The following CAPN12 variants were observed in gnomAD, a reference collection of about 807,000 sequenced individuals.
The protein encoded by CAPN12 is calpain 12.
In CAPN12, 107 loss-of-function variants were observed where a neutral mutation model predicts 95.0. The ratio of observed to expected loss-of-function variants is 1.13; its 90% CI spans 0.96 to 1.32. CAPN12 has a LOEUF of 1.32. Ranked by LOEUF, CAPN12 falls within the 40% of genes most tolerant of loss-of-function variation. The pLI is 0.00. For missense variants in CAPN12, 1,136 were observed against 997.8 expected, an observed-to-expected ratio of 1.14 and a Z score of -1.87; for synonymous variants, 505 against 415.5, an observed-to-expected ratio of 1.22 and a Z score of -2.62.
In CAPN12 at chr19:38,735,359, C is replaced by T. The variant is rs1187374696; in HGVS notation, c.1686+11G>A. 32 of 1,575,108 alleles carry T rather than the reference C, an allele frequency of 2.0e-5. No individual in the cohort carries two copies. The highest frequency in any genetic ancestry group is 2.7e-5 in the Non-Finnish European group (31 of 1,157,774). On this transcript the variant is annotated intron_variant, in intron 14 of 20. Coordinates refer to ENST00000328867, the MANE Select transcript of CAPN12 (RefSeq NM_144691.4). ...AGCGGGATACCCCCTCAGTCCAATC[C>T]CCCTCCTCACCTCTCCAGCCAGCTC...
In CAPN12 at chr19:38,738,563, G is replaced by A. The variant is rs893743474; in HGVS notation, c.804+11C>T. On this transcript the variant is annotated intron_variant, in intron 6 of 20. Coordinates refer to ENST00000328867, the MANE Select transcript of CAPN12 (RefSeq NM_144691.4). Reference sequence around the variant, plus strand: ...ACATGGCCTGCCACCCCACCCATGGGGGACACTTACCTTGTGTGTGCCCGT... The same window carrying A: ...ACATGGCCTGCCACCCCACCCATGGAGGACACTTACCTTGTGTGTGCCCGT... 1 of 1,613,868 alleles carries A rather than the reference G, an allele frequency of 6.2e-7. No homozygotes were observed. The highest frequency in any genetic ancestry group is 1.3e-5 in the African/African-American group (1 of 74,952).
intron 1 of CAPN12, 36 bp downstream of exon 1, chr19:38,743,893 T>TCAGACCCCAGAGCC: frequency 6.2e-7 from 1 of 1,600,586 alleles, no homozygotes; most frequent in Non-Finnish European, 8.6e-7. Flanking sequence ...CCCTCCTCCC[T>TCAGACCCCAGAGCC]CAGACCCCAG....
chr19:38,736,268 CAGCCGGGGCAGGAGCGCAT>C lies in CAPN12; in HGVS notation c.1406_1424del (p.His469ArgfsTer15), dbSNP rs1970138305. The C allele has an allele frequency of 3.4e-6, 5 of 1,457,840 alleles. No homozygotes were observed. Among genetic ancestry groups the C allele is most frequent in the Non-Finnish European group, 4.5e-6 (5 of 1,114,238 alleles). 90.3% of individuals were successfully genotyped at this position (1,457,840 alleles called of 1,614,324 possible). Reference sequence around the variant, plus strand: ...TGAGGGGCGAGCGGTCGGCGCGCAGCAGCCGGGGCAGGAGCGCATGGCTGCGCGGGGAATCCCAGAGGCC... The same window carrying C: ...TGAGGGGCGAGCGGTCGGCGCGCAGCGGCTGCGCGGGGAATCCCAGAGGCC... On this transcript the variant is annotated frameshift_variant, in exon 12 of 21. Transcript: ENST00000328867. LOFTEE classifies it high-confidence loss of function.
rs1969816353 is a variant in CAPN12 at position 38,733,873 on chromosome 19, C to T, written c.1879-92G>A. On this transcript the variant is annotated intron_variant, in intron 17 of 20. Coordinates refer to ENST00000328867, the MANE Select transcript of CAPN12 (RefSeq NM_144691.4). Reference sequence around the variant, plus strand: ...AGGCAAGACAGCCTGGTGCCCATCCCAACTCCCTTTCTTCTGGTGTGGACC... The same window carrying T: ...AGGCAAGACAGCCTGGTGCCCATCCTAACTCCCTTTCTTCTGGTGTGGACC... 1.0e-5 allele frequency: 11 copies of T among 1,100,100 alleles called. No homozygotes were observed. The East Asian group carries it at 2.2e-4, about 22-fold the overall frequency. The allele number at this position is 1,100,100 out of a possible 1,614,324, so 68.1% of individuals were successfully genotyped here.
chr19:38,735,205 G>A (rs1599894924), intron 14 of CAPN12, 165 bp downstream of exon 14: 6 of 695,554 alleles, frequency 8.6e-6, no homozygotes, highest in South Asian at 7.9e-5. Flanking sequence ...AAGGCCCTGA[G>A]GCAGGGAGGA....
rs527981785 is a variant in CAPN12 at position 38,737,658 on chromosome 19, G to A, written c.966-20C>T. On this transcript the variant is annotated intron_variant, in intron 8 of 20. Coordinates refer to ENST00000328867, the MANE Select transcript of CAPN12 (RefSeq NM_144691.4). ...TCCATCCTGCACGGTGGCCCAGTCA[G>A]ACCCTGCCCGGCCCCACCTCGAGGG... The A allele has an allele frequency of 1.3e-6, 2 of 1,546,434 alleles. No individual in the cohort carries two copies. Among genetic ancestry groups the A allele is most frequent in the Non-Finnish European group, 1.7e-6 (2 of 1,144,676 alleles).
chr19:38,731,092 C>CG lies in CAPN12; in HGVS notation c.2074+14dup, dbSNP rs777583571. The CG allele has an allele frequency of 7.5e-5, 120 of 1,603,382 alleles. No homozygotes were observed. The African/African-American group carries it at 1.5e-3, about 20-fold the overall frequency. On this transcript the variant is annotated intron_variant, in intron 19 of 20. Coordinates refer to ENST00000328867, the MANE Select transcript of CAPN12 (RefSeq NM_144691.4). ...CCCTTCCCCCCATGCCCCACCATGCCGGGGTGGTACTCACAGAAGATGCAG... is the reference window on the plus strand; with the variant it reads ...CCCTTCCCCCCATGCCCCACCATGCCGGGGGTGGTACTCACAGAAGATGCAG...
Position 38,733,696 on chromosome 19 carries a change from T to TC in CAPN12, c.1957+6dup, listed in dbSNP as rs569657883. 1.4e-3 allele frequency: 2,290 copies of TC among 1,613,000 alleles called. 36 individuals are homozygous for TC. The South Asian group carries it at 0.02, about 14-fold the overall frequency. ...TCCCCACGACCACCCCAGGACCCTG[T>TC]CCACACCTGCTGCATTCAGTGCCAG... On this transcript the variant is annotated splice_region_variant and intron_variant, in intron 18 of 20. Transcript: ENST00000328867.
At chr19:38,743,898 C>T (rs1568330198) in intron 1 of CAPN12, 31 bp downstream of exon 1, 3 of 1,605,180 alleles carry the variant, frequency 1.9e-6, no homozygotes, top group Non-Finnish European at 2.6e-6. Context: ...CTCCCTCAGA[C>T]CCCAGAGCCC....
chr19:38,732,543 G>A (rs1297673836), intron 18 of CAPN12, among the ~76,000 whole-genome samples: 1 of 152,172 alleles, frequency 6.6e-6, no homozygotes, highest in Non-Finnish European at 1.5e-5. Flanking sequence ...ATGTTGCCCA[G>A]GCTGGTCTTG....
chr19:38,731,432 C>A (rs535464324), intron 18 of CAPN12: 8 of 596,666 alleles, frequency 1.3e-5, no homozygotes, highest in Non-Finnish European at 1.5e-5. Context: ...AGCCCCGACC[C>A]CATAGGGTGT....
At chr19:38,734,723 G>T in intron 15 of CAPN12, 90 bp downstream of exon 15, 1 of 1,191,502 alleles carries the variant, frequency 8.4e-7, no homozygotes, top group Non-Finnish European at 1.2e-6. Flanking sequence ...CCAGCAGCGC[G>T]GTGGGTTCAT....
chr19:38,740,383 T>C (rs1970478766), intron 4 of CAPN12, among the ~76,000 whole-genome samples, 164 bp from the exon 5 acceptor site: 1 of 151,986 alleles, frequency 6.6e-6, no homozygotes, highest in African/African-American at 2.4e-5. Flanking sequence ...CAGGCCGGAG[T>C]GCAGTGGCGT....
chr19:38,734,838 G>T lies in CAPN12; in HGVS notation c.1719C>A (p.Ala573=). 6.2e-7 allele frequency: 1 copy of T among 1,612,712 alleles called. No homozygotes were observed. Among genetic ancestry groups the T allele is most frequent in the Non-Finnish European group, 8.5e-7 (1 of 1,179,850 alleles). Residue 573 remains alanine, a synonymous_variant, in exon 15 of 21, where the codon GCC becomes GCA. Coordinates refer to ENST00000328867, the MANE Select transcript of CAPN12 (RefSeq NM_144691.4). The part of the protein sequence containing the change: ...EEELNASQLQ[A]LLSIALEPAR... ...CAGGCTCCAGGGCAATGCTTAGTAAGGCCTGGAGCTGAGAGGCATTGAGTT... is the reference window on the plus strand; with the variant it reads ...CAGGCTCCAGGGCAATGCTTAGTAATGCCTGGAGCTGAGAGGCATTGAGTT...
rs1483113023 is a variant in CAPN12, at chr19:38,737,172, C to G, written c.1346G>C (p.Gly449Ala). The G allele has an allele frequency of 6.5e-7, 1 of 1,546,580 alleles. No individual in the cohort carries two copies. Among genetic ancestry groups the G allele is most frequent in the Non-Finnish European group, 8.7e-7 (1 of 1,146,666 alleles). ...GGACCTCACCTGGAACACGTGGAAG[C>G]CAACGGTGAGGTAAGTGAGGCCCTT... ...RAKGLTYLTV[G>A]FHVFQIPEEL... The change falls in exon 10 of 21, where the codon GGC becomes GCC. Residue 449 changes from glycine to alanine, a missense_variant. Physicochemically the swap from Gly to Ala is moderately conservative, Grantham distance 60 (BLOSUM62 0). Transcript: ENST00000328867.
Position 38,744,035 on chromosome 19 carries a change from A to ATCCCCGAATCCAGGCAGGC in CAPN12, c.112_130dup (p.Ile44SerfsTer19). ...AGGGAAGTAAGGGTCGCGGAACAGG[A>ATCCCCGAATCCAGGCAGGC]TCCCCGAATCCAGGCAGGCTGCCCG... On this transcript the variant is annotated frameshift_variant, in exon 1 of 21. Transcript: ENST00000328867. LOFTEE classifies it high-confidence loss of function. 1 of 1,614,228 alleles carries ATCCCCGAATCCAGGCAGGC rather than the reference A, an allele frequency of 6.2e-7. No individual in the cohort carries two copies. The highest frequency in any genetic ancestry group is 8.5e-7 in the Non-Finnish European group (1 of 1,180,046).
At chr19:38,731,702 C>T (rs1246035851) in intron 18 of CAPN12, 1 of 182,162 alleles carries the variant, frequency 5.5e-6, no homozygotes, top group Non-Finnish European at 1.2e-5. Context: ...TTCTTGACCC[C>T]TTCTGAGATG....
rs754986123 is a variant in CAPN12, at chr19:38,740,213, G to A, written c.567C>T (p.His189=). The A allele has an allele frequency of 1.7e-5, 28 of 1,602,832 alleles. No homozygotes were observed. The highest frequency in any genetic ancestry group is 9.0e-5 in the East Asian group (4 of 44,324). ...PLLEKAYAKL[H]GSYEVMRGGH... The stretch of plus-strand genomic sequence containing the variant: ...CGCCCCGCATCACCTCATAGGAGCC[G>A]TGGAGCCTGTGGGGGCAGATCTGGG... The change falls in exon 5 of 21, where the codon CAC becomes CAT. Residue 189 remains histidine (H), a synonymous_variant. Coordinates refer to ENST00000328867, the MANE Select transcript of CAPN12 (RefSeq NM_144691.4).
At chr19:38,732,479 GC>G (rs1408394071) in intron 18 of CAPN12, among the ~76,000 whole-genome samples, 3 of 152,090 alleles carry the variant, frequency 2.0e-5, no homozygotes, top group Non-Finnish European at 4.4e-5. Context: ...TTACAGGCAC[GC>G]ACCACCACGC....
Sources: allele counts gnomAD v4.1 joint callset (sites outside exome capture counted in the v4.1 genomes callset), GRCh38; gene constraint gnomAD v4.1.1; transcripts MANE v1.5; gene names NCBI Gene and HGNC (gene_info 2026-07-23, HGNC 2026-07-21).